The following TMEM117 variants were observed in gnomAD, a reference collection of about 807,000 sequenced individuals.
TMEM117 encodes the protein transmembrane protein 117.
In TMEM117, 27 loss-of-function variants were observed where a neutral mutation model predicts 52.4. The ratio of observed to expected loss-of-function variants is 0.51; its 90% CI spans 0.38 to 0.71. The LOEUF (loss-of-function observed/expected upper bound fraction) is 0.71. TMEM117 is among the 30% of genes least tolerant of loss of function. The pLI is 0.00. For synonymous variants in TMEM117, 215 were observed against 206.3 expected (o/e 1.04, Z -0.36); for missense variants, 556 against 630.5 (o/e 0.88, Z 1.26).
At chr12:44,272,529 A>G (rs1014686098) in intron 5 of TMEM117, among the ~76,000 whole-genome samples, 5 of 152,182 alleles carry the variant, frequency 3.3e-5, no homozygotes, top group Non-Finnish European at 7.3e-5. Context: ...ATTTACAAGA[A>G]AAAAACAACC....
chr12:43,869,099 A>G (rs923309855), intron 2 of TMEM117, among the ~76,000 whole-genome samples: 2 of 152,178 alleles, frequency 1.3e-5, no homozygotes, highest in Non-Finnish European at 2.9e-5. Context: ...ACGAAATATA[A>G]TAGAAAAAAA....
At chr12:43,808,955 C>G in the TMEM117 span, among the ~76,000 whole-genome samples, 1 of 151,332 alleles carries the variant, frequency 6.6e-6, no homozygotes, top group African/African-American at 2.4e-5. Flanking sequence ...TGTAAAATCT[C>G]TATTTCAATT....
chr12:44,106,237 A>G (rs918623021), intron 3 of TMEM117, among the ~76,000 whole-genome samples: 2 of 152,036 alleles, frequency 1.3e-5, no homozygotes, highest in Admixed American at 6.6e-5. Flanking sequence ...TGGTGTAATG[A>G]CTTCCCAGCT....
At chr12:44,299,787 C>G (rs1950816488) in intron 6 of TMEM117, 48 bp downstream of exon 6, 2 of 1,601,496 alleles carry the variant, frequency 1.2e-6, no homozygotes, top group Non-Finnish European at 1.7e-6. Context: ...TGCTCTGTTC[C>G]CAGTATAACA....
chr12:44,137,780 A>G (rs1592549797), intron 3 of TMEM117, among the ~76,000 whole-genome samples: 1 of 152,072 alleles, frequency 6.6e-6, no homozygotes. Flanking sequence ...TCAACTACCT[A>G]CCACTGGGTC....
downstream of TMEM117, among the ~76,000 whole-genome samples, chr12:44,393,807 T>A (rs1952171071): frequency 6.6e-6 from 1 of 152,204 alleles, no homozygotes; most frequent in Non-Finnish European, 1.5e-5. Context: ...TTGAAACAGA[T>A]AAGGTCAAAT....
chr12:44,333,770 T>C (rs183084645), intron 6 of TMEM117, among the ~76,000 whole-genome samples: 39 of 151,872 alleles, frequency 2.6e-4, no homozygotes, highest in Admixed American at 1.1e-3. Flanking sequence ...TAGGTACAAG[T>C]TGTGGTGATT....
rs564858906 is a variant in TMEM117 at position 44,018,279 on chromosome 12, G to A, written c.410+73937G>A. Among the ~76,000 whole-genome samples the A allele has an allele frequency of 5.9e-5, 9 of 152,130 alleles. No individual in the cohort carries two copies. The South Asian group carries it at 1.2e-3, about 21-fold the overall frequency. On this transcript the variant is annotated intron_variant, in intron 3 of 7. Transcript: ENST00000266534. ...GATTGAATGAAAAAAGGACTCTTTC[G>A]TTCAAAAATTCATTTTTTTCTCCTT...
chr12:44,175,985 G>A (rs754570904), intron 4 of TMEM117, among the ~76,000 whole-genome samples: 7 of 152,106 alleles, frequency 4.6e-5, no homozygotes, highest in Non-Finnish European at 1.0e-4. Context: ...AGAACAGCAA[G>A]TATAGATGAT....
At chr12:43,877,158 A>G (rs1177811546) in intron 2 of TMEM117, among the ~76,000 whole-genome samples, 2 of 152,206 alleles carry the variant, frequency 1.3e-5, no homozygotes, top group African/African-American at 4.8e-5. Flanking sequence ...CATTTGCACA[A>G]TATATTTAAG....
At position 44,388,855 on chromosome 12, in the gene TMEM117, T is replaced by C. The variant is rs1592736539; in HGVS notation, c.*183T>C. The C allele has an allele frequency of 1.5e-6, 1 of 672,066 alleles. No individual in the cohort carries two copies. Among genetic ancestry groups the C allele is most frequent in the Non-Finnish European group, 2.5e-6 (1 of 406,708 alleles). 41.6% of individuals were successfully genotyped at this position (672,066 alleles called of 1,614,324 possible). Reference sequence around the variant, plus strand: ...TTTTCTATTTGTATTATAATACACGTGCCTACTGTATACTCAACAGTCCTC... The same window carrying C: ...TTTTCTATTTGTATTATAATACACGCGCCTACTGTATACTCAACAGTCCTC... On this transcript the variant is annotated 3_prime_UTR_variant, in exon 8 of 8. Coordinates refer to ENST00000266534, the MANE Select transcript of TMEM117 (RefSeq NM_032256.3).
intron 2 of TMEM117, among the ~76,000 whole-genome samples, chr12:43,850,809 T>C (rs1943293910): frequency 6.6e-6 from 1 of 152,240 alleles, no homozygotes; most frequent in Admixed American, 6.5e-5. Flanking sequence ...TATTCATTAT[T>C]CATTTTTAAA....
chr12:43,797,069 T>C, the TMEM117 span: 1 of 1,605,138 alleles, frequency 6.2e-7, no homozygotes, highest in Non-Finnish European at 8.5e-7. Context: ...TTATACTGCA[T>C]GTGTATCCAG....
At chr12:44,291,382 T>C (rs1355046729) in intron 5 of TMEM117, among the ~76,000 whole-genome samples, 1 of 136,974 alleles carries the variant, frequency 7.3e-6, no homozygotes, top group Admixed American at 7.0e-5. Context: ...CAGTTTTTTT[T>C]TTTTTTTTTT....
At chr12:44,063,745 A>G (rs915678089) in intron 3 of TMEM117, among the ~76,000 whole-genome samples, 8 of 151,600 alleles carry the variant, frequency 5.3e-5, no homozygotes, top group African/African-American at 1.9e-4. Context: ...CCCTCTGTAC[A>G]TTGTTCTTAT....
chr12:43,877,766 G>C (rs182793295), intron 2 of TMEM117, among the ~76,000 whole-genome samples: 7 of 152,116 alleles, frequency 4.6e-5, no homozygotes, highest in African/African-American at 1.7e-4. Flanking sequence ...GATCATTCAT[G>C]TTACATAATA....
intron 5 of TMEM117, among the ~76,000 whole-genome samples, chr12:44,267,790 T>G (rs1950397126): frequency 6.6e-6 from 1 of 152,202 alleles, no homozygotes. Flanking sequence ...ACTTACTTTA[T>G]TCAACATAAG....
chr12:44,152,823 A>G (rs1948771515), intron 4 of TMEM117, among the ~76,000 whole-genome samples: 1 of 143,972 alleles, frequency 6.9e-6, no homozygotes, highest in African/African-American at 2.5e-5. Context: ...TATGAATATA[A>G]TGTATATATT....
chr12:44,171,809 A>G (rs1039585048), intron 4 of TMEM117, among the ~76,000 whole-genome samples: 1 of 152,146 alleles, frequency 6.6e-6, no homozygotes, highest in Non-Finnish European at 1.5e-5. Flanking sequence ...AGAGATGATT[A>G]AGGAATGCCT....
Sources: gnomAD v4.1 joint callset for allele counts (sites outside exome capture counted in the v4.1 genomes callset) on GRCh38, gnomAD v4.1.1 for gene constraint, MANE v1.5 for transcripts, NCBI Gene and HGNC (gene_info 2026-07-23, HGNC 2026-07-21) for gene names.